The following IL21R variants were observed in gnomAD, a reference collection of about 807,000 sequenced individuals.
The protein encoded by IL21R is interleukin 21 receptor, also known as interleukin-21 receptor.
A neutral mutation model predicts 41.3 loss-of-function variants in IL21R; 14 were observed. That is an observed-to-expected ratio of 0.34 (90% CI 0.22 to 0.53). IL21R has a LOEUF of 0.53. IL21R is among the 20% of genes least tolerant of loss of function. The pLI is 0.94. For synonymous variants in IL21R, 286 were observed against 287.6 expected, an observed-to-expected ratio of 0.99 and a Z score of 0.05; for missense variants, 588 against 681.6, an observed-to-expected ratio of 0.86 and a Z score of 1.53.
Position 27,409,813 on chromosome 16 carries a change from G to A in IL21R, c.-17+7195G>A, listed in dbSNP as rs981013629. Among the ~76,000 whole-genome samples, 7 of 151,986 alleles carry A rather than the reference G, an allele frequency of 4.6e-5. No individual in the cohort carries two copies. In the South Asian group the frequency reaches 6.2e-4, roughly 14 times the overall value. The stretch of plus-strand genomic sequence containing the variant: ...TTGTCTAAACTATTTTCAGTCCTTT[G>A]TATTTCTATATAAATTTTAGAACTA... On this transcript the variant is annotated intron_variant, in intron 1 of 8. Transcript: ENST00000337929.
chr16:27,440,130 G>A (rs772528177), intron 4 of IL21R, among the ~76,000 whole-genome samples: 26 of 151,614 alleles, frequency 1.7e-4, no homozygotes, highest in African/African-American at 4.6e-4. Context: ...ACCTCGGGGC[G>A]TGGTGGGAGC....
At chr16:27,430,166 C>T in intron 2 of IL21R, 46 bp downstream of exon 2, 1 of 1,551,950 alleles carries the variant, frequency 6.4e-7, no homozygotes, top group South Asian at 1.1e-5. Context: ...GCCCCCATCA[C>T]AGAGCTGAGC....
At position 27,436,120 on chromosome 16, in the gene IL21R, C is replaced by T. The variant is rs140186689; in HGVS notation, c.153-1368C>T. Among the ~76,000 whole-genome samples the T allele has an allele frequency of 1.8e-4, 28 of 152,304 alleles. No homozygotes were observed. In the East Asian group the frequency reaches 4.3e-3, roughly 23 times the overall value. On this transcript the variant is annotated intron_variant, in intron 3 of 8. Transcript: ENST00000337929. ...CCACCAGCTTCAAAGACCACTCTCTCGCCCACACAGGTCGCCCATGGTTTT... is the reference window on the plus strand; with the variant it reads ...CCACCAGCTTCAAAGACCACTCTCTTGCCCACACAGGTCGCCCATGGTTTT...
Position 27,446,054 on chromosome 16 carries a change from T to G in IL21R, c.833T>G (p.Met278Arg), listed in dbSNP as rs369667782. ...WAVPSPERFF[M>R]PLYKGCSGDF... ...GTCCCCAGCCCTGAGCGGTTCTTCA[T>G]GCCCCTGTACAAGGGCTGCAGCGGA... is the stretch of plus-strand genomic sequence containing the variant. The change falls in exon 8 of 9, where the codon ATG (methionine) becomes AGG (arginine). Residue 278 changes from methionine (M) to arginine (R), a missense_variant. Coordinates refer to ENST00000337929, the MANE Select transcript of IL21R (RefSeq NM_181078.3). 20 of 1,613,732 alleles carry G rather than the reference T, an allele frequency of 1.2e-5. No individual in the cohort carries two copies. In the Admixed American group the frequency reaches 2.2e-4, roughly 17 times the overall value.
intron 1 of IL21R, among the ~76,000 whole-genome samples, chr16:27,408,338 G>A (rs2086778640): frequency 1.3e-5 from 2 of 152,240 alleles, no homozygotes. Context: ...GTGCAAGCCA[G>A]GTGAATGGAG....
intron 2 of IL21R, among the ~76,000 whole-genome samples, chr16:27,433,867 T>A (rs3091236): frequency 0.81 from 122,608 of 152,036 alleles, 49,802 homozygotes; most frequent in East Asian, 0.99. Flanking sequence ...TAGAGCCGAG[T>A]CCTCTTCCTT....
At chr16:27,429,039 C>T (rs1157912909) in intron 1 of IL21R, among the ~76,000 whole-genome samples, 7 of 152,092 alleles carry the variant, frequency 4.6e-5, no homozygotes, top group African/African-American at 1.7e-4. Flanking sequence ...GCCTAGTCCA[C>T]ATGGCAAAAC....
intron 5 of IL21R, among the ~76,000 whole-genome samples, chr16:27,443,716 G>C (rs1038765744): frequency 1.2e-4 from 17 of 144,996 alleles, no homozygotes; most frequent in African/African-American, 4.3e-4. Context: ...CCAGGAGGCG[G>C]AGGTTGCAGT....
rs1021436946 is a variant in IL21R at position 27,434,373 on chromosome 16, T to C, written c.76T>C (p.Tyr26His). ...GGWGCPDLVC[Y>H]TDYLQTVICI... ...CTGGGGCTGCCCCGACCTCGTCTGC[T>C]ACACCGATTACCTCCAGACGGTCAT... is the stretch of plus-strand genomic sequence containing the variant. The change falls in exon 3 of 9, where the codon TAC becomes CAC. Residue 26 changes from tyrosine to histidine, a missense_variant. By Grantham distance (83) the Tyr-to-His change is moderately conservative (BLOSUM62 2). Coordinates refer to ENST00000337929, the MANE Select transcript of IL21R (RefSeq NM_181078.3). 6.2e-7 allele frequency: 1 copy of C among 1,613,808 alleles called. No individual in the cohort carries two copies. Among genetic ancestry groups the C allele is most frequent in the Non-Finnish European group, 8.5e-7 (1 of 1,179,920 alleles).
At chr16:27,403,150 G>C in intron 1 of IL21R, 1 of 1,143,204 alleles carries the variant, frequency 8.7e-7, no homozygotes. Flanking sequence ...AGCAGGTCGG[G>C]CAGTCAAGCC....
rs910361438 is a variant in IL21R, at chr16:27,418,524, A to G, written c.-16-11532A>G. 7.2e-5 allele frequency among the ~76,000 whole-genome samples: 11 copies of G among 151,914 alleles called. No homozygotes were observed. The South Asian group carries it at 1.9e-3, about 26-fold the overall frequency. On this transcript the variant is annotated intron_variant, in intron 1 of 8. Coordinates refer to ENST00000337929, the MANE Select transcript of IL21R (RefSeq NM_181078.3). ...GCTGGGACTACAGGTGCGCGCCACC[A>G]CGCTCGGCTAATTTTTTTGGTATTT...
intron 1 of IL21R, among the ~76,000 whole-genome samples, chr16:27,405,412 C>T (rs1328742299): frequency 6.6e-6 from 1 of 152,146 alleles, no homozygotes; most frequent in Non-Finnish European, 1.5e-5. Context: ...TATTATTGGT[C>T]ATATTGGCAT....
chr16:27,420,328 G>T (rs905633674), intron 1 of IL21R, among the ~76,000 whole-genome samples: 4 of 152,122 alleles, frequency 2.6e-5, no homozygotes, highest in Non-Finnish European at 1.5e-5. Context: ...TAGTCCTATG[G>T]GCCCGCCTAT....
At chr16:27,445,134 G>C in intron 6 of IL21R, 43 bp from the exon 7 acceptor site, 1 of 1,435,980 alleles carries the variant, frequency 7.0e-7, no homozygotes, top group Non-Finnish European at 9.8e-7. Flanking sequence ...ATGGCCTCTG[G>C]TAGAGTTGGT....
intron 1 of IL21R, among the ~76,000 whole-genome samples, chr16:27,422,657 G>C (rs1383513813): frequency 6.6e-6 from 1 of 152,128 alleles, no homozygotes; most frequent in African/African-American, 2.4e-5. Context: ...ATTTCTGATA[G>C]AATTTTTGAA....
intron 1 of IL21R, among the ~76,000 whole-genome samples, chr16:27,419,368 GATA>G (rs1430621433): frequency 2.0e-5 from 3 of 152,316 alleles, no homozygotes; most frequent in African/African-American, 7.2e-5. Context: ...CATCTCCTAT[GATA>G]ATGATGCCTT....
rs188480593 is a variant in IL21R at position 27,450,118 on chromosome 16, C to T, written c.*835C>T. The T allele has an allele frequency of 3.9e-5, 9 of 232,880 alleles. No homozygotes were observed. The Admixed American group carries it at 3.9e-4, about 10-fold the overall frequency. The allele number at this position is 232,880 out of a possible 1,614,324, so 14.4% of individuals were successfully genotyped here. A position where few individuals can be genotyped will look rare whatever the true frequency, so the allele number is the denominator to read the frequency against. On this transcript the variant is annotated 3_prime_UTR_variant, in exon 9 of 9. Transcript: ENST00000337929. ...GGCGGGCGGGGGTGAGAACATCAATCGTCAGCGACAGCCTGGGCACCCGCG... is the reference window on the plus strand; with the variant it reads ...GGCGGGCGGGGGTGAGAACATCAATTGTCAGCGACAGCCTGGGCACCCGCG...
At chr16:27,432,554 G>A (rs1297428980) in intron 2 of IL21R, among the ~76,000 whole-genome samples, 1 of 152,194 alleles carries the variant, frequency 6.6e-6, no homozygotes, top group Non-Finnish European at 1.5e-5. Context: ...TGGTAGCTTT[G>A]AGCCTGGCTA....
intron 8 of IL21R, among the ~76,000 whole-genome samples, chr16:27,447,159 C>A (rs1273667972): frequency 6.6e-6 from 1 of 152,146 alleles, no homozygotes; most frequent in Non-Finnish European, 1.5e-5. Context: ...TAAGACCCAC[C>A]CTTTCCTCTT....
Sources: allele counts gnomAD v4.1 joint callset (sites outside exome capture counted in the v4.1 genomes callset), GRCh38; gene constraint gnomAD v4.1.1; transcripts MANE v1.5; gene names NCBI Gene and HGNC (gene_info 2026-07-23, HGNC 2026-07-21).